HPSE2: variants seen among roughly 807,000 people sequenced by gnomAD.
HPSE2 encodes inactive heparanase-2.
In HPSE2, 38 loss-of-function variants were observed where a neutral mutation model predicts 60.5. The observed-to-expected ratio is 0.63, with a 90% confidence interval of 0.48 to 0.82. HPSE2 has a LOEUF of 0.82. HPSE2 is among the 40% of genes least tolerant of loss of function. The pLI is 0.00. For synonymous variants in HPSE2, 295 were observed against 293.2 expected, an observed-to-expected ratio of 1.01 and a Z score of -0.06; for missense variants, 713 against 740.4, an observed-to-expected ratio of 0.96 and a Z score of 0.43.
At chr10:98,596,471 C>CT (rs1945241552) in intron 9 of HPSE2, among the ~76,000 whole-genome samples, 1 of 47,342 alleles carries the variant, frequency 2.1e-5, no homozygotes, top group Non-Finnish European at 1.0e-4. Flanking sequence ...TAATTAGCAT[C>CT]CTTTTTTTTT....
the HPSE2 span, among the ~76,000 whole-genome samples, chr10:99,274,702 A>C: frequency 6.6e-6 from 1 of 152,214 alleles, no homozygotes; most frequent in African/African-American, 2.4e-5. Context: ...AGAACTTCCC[A>C]TTCTGTCTGA....
At chr10:98,688,477 C>CTTTTTTTTTTTTTTTTT (rs1388717965) in intron 6 of HPSE2, among the ~76,000 whole-genome samples, 3 of 83,010 alleles carry the variant, frequency 3.6e-5, no homozygotes, top group Non-Finnish European at 4.6e-5. Flanking sequence ...TTTTTTTTTT[C>CTTTTTTTTTTTTTTTTT]TTTTTTTTTT....
chr10:98,942,856 A>C (rs1955053875), intron 3 of HPSE2, among the ~76,000 whole-genome samples: 1 of 151,950 alleles, frequency 6.6e-6, no homozygotes, highest in Admixed American at 6.6e-5. Context: ...GATAGACTGG[A>C]TTAAGAAAAT....
chr10:98,963,378 T>C (rs1445525344), intron 3 of HPSE2, among the ~76,000 whole-genome samples: 2 of 152,132 alleles, frequency 1.3e-5, no homozygotes, highest in Non-Finnish European at 2.9e-5. Flanking sequence ...TAGAGTGTTT[T>C]CTTTCAGTCT....
At chr10:98,748,543 T>A (rs1949680496) in intron 3 of HPSE2, among the ~76,000 whole-genome samples, 1 of 152,120 alleles carries the variant, frequency 6.6e-6, no homozygotes, top group Non-Finnish European at 1.5e-5. Context: ...CACAGGCATA[T>A]AATTCTAAGA....
At chr10:99,105,344 G>C (rs1166948396) in intron 3 of HPSE2, among the ~76,000 whole-genome samples, 1 of 151,928 alleles carries the variant, frequency 6.6e-6, no homozygotes, top group Non-Finnish European at 1.5e-5. Flanking sequence ...ATGATGTTAA[G>C]CATCTTTTCA....
intron 3 of HPSE2, among the ~76,000 whole-genome samples, chr10:99,128,145 T>G (rs1564829142): frequency 6.6e-6 from 1 of 152,150 alleles, no homozygotes; most frequent in Non-Finnish European, 1.5e-5. Context: ...ACCTCATATC[T>G]CAATACTAAT....
intron 3 of HPSE2, among the ~76,000 whole-genome samples, chr10:99,096,280 GTTTTC>G (rs1843715543): frequency 6.6e-6 from 1 of 152,068 alleles, no homozygotes; most frequent in Admixed American, 6.5e-5. Flanking sequence ...AAATGTGGTT[GTTTTC>G]TTATCTAGCA....
rs187003077 is a variant in HPSE2 at position 98,590,242 on chromosome 10, A to G, written c.1320+24662T>C. 5.9e-3 allele frequency among the ~76,000 whole-genome samples: 896 copies of G among 152,340 alleles called. 6 individuals carry two copies. The highest frequency in any genetic ancestry group is 0.02 in the African/African-American group (839 of 41,574). ...TGGATCACGAGGTCAGGAGATTGAG[A>G]CCATCCTGGCTAACATGGTGAAACC... On this transcript the variant is annotated intron_variant, in intron 9 of 11. Transcript: ENST00000370552.
intron 4 of HPSE2, 106 bp from the exon 5 acceptor site, chr10:98,721,934 A>T (rs968799976): frequency 2.1e-6 from 2 of 968,982 alleles, no homozygotes; most frequent in African/African-American, 3.3e-5. Context: ...ATGAAAAAAA[A>T]AAACAATAAA....
At chr10:99,218,461 CCCT>C (rs1849207941) in intron 2 of HPSE2, among the ~76,000 whole-genome samples, 1 of 151,956 alleles carries the variant, frequency 6.6e-6, no homozygotes, top group Non-Finnish European at 1.5e-5. Context: ...TTTCCCCTCC[CCCT>C]GAGTTTTCAA....
intron 9 of HPSE2, among the ~76,000 whole-genome samples, chr10:98,508,672 A>T (rs953321737): frequency 6.6e-6 from 1 of 152,218 alleles, no homozygotes; most frequent in Non-Finnish European, 1.5e-5. Flanking sequence ...GGGCCAGGGA[A>T]GAAGTCTCTC....
At chr10:98,995,289 T>A (rs1956618780) in intron 3 of HPSE2, among the ~76,000 whole-genome samples, 1 of 152,250 alleles carries the variant, frequency 6.6e-6, no homozygotes, top group African/African-American at 2.4e-5. Flanking sequence ...AGCCTTGGTT[T>A]CCTTACCTTT....
intron 2 of HPSE2, among the ~76,000 whole-genome samples, chr10:99,167,990 T>G (rs897468547): frequency 6.6e-6 from 1 of 151,888 alleles, no homozygotes; most frequent in Non-Finnish European, 1.5e-5. Context: ...GTTAGGGAAG[T>G]TCCTTACTCT....
chr10:99,066,988 T>C (rs1211551946), intron 3 of HPSE2, among the ~76,000 whole-genome samples: 1 of 152,112 alleles, frequency 6.6e-6, no homozygotes, highest in African/African-American at 2.4e-5. Context: ...AGGCATTGGG[T>C]AAATACACTC....
intron 7 of HPSE2, among the ~76,000 whole-genome samples, chr10:98,627,592 A>G (rs548122728): frequency 1.3e-5 from 2 of 152,316 alleles, no homozygotes; most frequent in Non-Finnish European, 2.9e-5. Flanking sequence ...TACTTACTGC[A>G]TGACTTTGAA....
chr10:98,892,089 A>G (rs1953351440), intron 3 of HPSE2, among the ~76,000 whole-genome samples: 1 of 152,112 alleles, frequency 6.6e-6, no homozygotes, highest in African/African-American at 2.4e-5. Context: ...TCTTAAACTG[A>G]GAGTATGGGG....
At chr10:98,681,730 T>C (rs1365047863) in intron 6 of HPSE2, among the ~76,000 whole-genome samples, 1 of 152,190 alleles carries the variant, frequency 6.6e-6, no homozygotes, top group Non-Finnish European at 1.5e-5. Context: ...ATGCAAAAGA[T>C]ATGGGAATCC....
intron 3 of HPSE2, among the ~76,000 whole-genome samples, chr10:98,941,962 A>G (rs1365667134): frequency 7.0e-6 from 1 of 142,694 alleles, no homozygotes; most frequent in African/African-American, 2.9e-5. Flanking sequence ...CAAACCTGAG[A>G]AAAACAAGCA....
Sources: allele counts gnomAD v4.1 joint callset (sites outside exome capture counted in the v4.1 genomes callset), GRCh38; gene constraint gnomAD v4.1.1; transcripts MANE v1.5; gene names NCBI Gene and HGNC (gene_info 2026-07-23, HGNC 2026-07-21).